Variants in ELAPOR2 observed in about 807,000 individuals in gnomAD.
ELAPOR2 encodes the protein endosome/lysosome-associated apoptosis and autophagy regulator family member 2.
A neutral mutation model predicts 120.7 loss-of-function variants in ELAPOR2; 89 were observed. The ratio of observed to expected loss-of-function variants is 0.74; its 90% CI spans 0.62 to 0.88. The LOEUF is 0.88. Ranked by LOEUF, ELAPOR2 falls within the 40% of genes least tolerant of loss-of-function variation. The pLI is 0.00. For missense variants in ELAPOR2, 1,134 were observed against 1,251.6 expected, an observed-to-expected ratio of 0.91 and a Z score of 1.42; for synonymous variants, 444 against 444.9, an observed-to-expected ratio of 1.00 and a Z score of 0.03.
chr7:86,934,371 T>A (rs1364243776), intron 8 of ELAPOR2, among the ~76,000 whole-genome samples: 2 of 152,034 alleles, frequency 1.3e-5, no homozygotes, highest in Non-Finnish European at 1.5e-5. Flanking sequence ...ATTAGAAGAT[T>A]TAAATCCTTG....
intron 1 of ELAPOR2, among the ~76,000 whole-genome samples, chr7:87,056,927 A>G (rs1269009902): frequency 6.6e-6 from 1 of 152,228 alleles, no homozygotes; most frequent in Non-Finnish European, 1.5e-5. Context: ...AAAATGGCCT[A>G]TAGCTTTTTC....
chr7:86,914,270 G>A (rs1257846844), intron 13 of ELAPOR2, among the ~76,000 whole-genome samples: 1 of 152,098 alleles, frequency 6.6e-6, no homozygotes, highest in Non-Finnish European at 1.5e-5. Flanking sequence ...TTAACTCAAT[G>A]GTGGGTACAT....
intron 1 of ELAPOR2, among the ~76,000 whole-genome samples, chr7:87,023,428 C>G (rs1453278047): frequency 6.6e-6 from 1 of 152,128 alleles, no homozygotes; most frequent in Non-Finnish European, 1.5e-5. Flanking sequence ...GTCTATATCT[C>G]TGTTTTGGTA....
At chr7:86,976,462 T>C (rs1444869030) in intron 1 of ELAPOR2, among the ~76,000 whole-genome samples, 3 of 152,178 alleles carry the variant, frequency 2.0e-5, no homozygotes, top group African/African-American at 7.2e-5. Context: ...CAAAGAAGTA[T>C]AGCAAAGGCA....
chr7:87,050,735 A>C (rs1795075381), intron 1 of ELAPOR2, among the ~76,000 whole-genome samples: 1 of 152,202 alleles, frequency 6.6e-6, no homozygotes. Flanking sequence ...TGTGACATCA[A>C]GATGGAAAGT....
chr7:87,040,062 C>G (rs201756335), intron 1 of ELAPOR2, among the ~76,000 whole-genome samples: 5 of 152,222 alleles, frequency 3.3e-5, no homozygotes, highest in African/African-American at 1.2e-4. Context: ...GCTTTTCCGA[C>G]GGGCTTAAAA....
intron 1 of ELAPOR2, among the ~76,000 whole-genome samples, chr7:87,036,123 T>A (rs1268919228): frequency 1.3e-5 from 2 of 152,238 alleles, no homozygotes; most frequent in Admixed American, 1.3e-4. Flanking sequence ...ATCTGCCTAA[T>A]ATTCCGTCAT....
intron 1 of ELAPOR2, among the ~76,000 whole-genome samples, chr7:86,970,708 G>A (rs1414053550): frequency 6.6e-6 from 1 of 152,100 alleles, no homozygotes; most frequent in East Asian, 1.9e-4. Flanking sequence ...ACAGAACTGT[G>A]CAGCAATATT....
At chr7:86,985,583 C>A (rs147542740) in intron 1 of ELAPOR2, among the ~76,000 whole-genome samples, 3 of 152,134 alleles carry the variant, frequency 2.0e-5, no homozygotes, top group Non-Finnish European at 4.4e-5. Flanking sequence ...GAACCATCGA[C>A]AAAAACCAAA....
chr7:86,881,004 A>G (rs189518354), intron 21 of ELAPOR2, among the ~76,000 whole-genome samples: 8 of 152,316 alleles, frequency 5.3e-5, no homozygotes, highest in Non-Finnish European at 1.2e-4. Context: ...TGAGTTCACT[A>G]ATATGTTTTA....
intron 2 of ELAPOR2, among the ~76,000 whole-genome samples, chr7:86,956,284 T>C (rs1468612230): frequency 6.6e-6 from 1 of 152,220 alleles, no homozygotes; most frequent in East Asian, 1.9e-4. Context: ...CCTGTTTTCA[T>C]CTTTCATTTT....
At chr7:86,974,936 A>G (rs117264826) in intron 1 of ELAPOR2, among the ~76,000 whole-genome samples, 2,064 of 152,322 alleles carry the variant, frequency 0.014, 26 homozygotes, top group Non-Finnish European at 0.022. Context: ...GCAAGGCTTT[A>G]AAGGCCAGGT....
chr7:86,925,751 G>A, intron 9 of ELAPOR2, 95 bp from the exon 10 acceptor site: 1 of 1,135,884 alleles, frequency 8.8e-7, no homozygotes, highest in Admixed American at 2.0e-5. Flanking sequence ...ACAATTAGCA[G>A]GGAGAGAAGT....
chr7:86,941,271 C>G (rs762084823), intron 5 of ELAPOR2: 3 of 515,806 alleles, frequency 5.8e-6, no homozygotes, highest in Non-Finnish European at 1.2e-5. Context: ...AACTATAAAC[C>G]GGAGTTAGAT....
intron 1 of ELAPOR2, among the ~76,000 whole-genome samples, chr7:86,979,072 A>G (rs1792373958): frequency 6.6e-6 from 1 of 152,224 alleles, no homozygotes; most frequent in African/African-American, 2.4e-5. Flanking sequence ...TCATTTTGTT[A>G]TCACTTCAGT....
chr7:86,880,453 G>A lies in ELAPOR2; in HGVS notation c.*18C>T. The A allele has an allele frequency of 6.9e-6, 11 of 1,585,060 alleles. No homozygotes were observed. Among genetic ancestry groups the A allele is most frequent in the Non-Finnish European group, 9.5e-6 (11 of 1,154,244 alleles). ...AGGTTTCTTTGTTCATTAGTCTCAA[G>A]GCTACAGCACTGTCTCTTCATATAT... On this transcript the variant is annotated 3_prime_UTR_variant, in exon 22 of 22. Coordinates refer to ENST00000450689, the MANE Select transcript of ELAPOR2 (RefSeq NM_001142749.3).
chr7:86,892,059 T>C (rs963427250), intron 20 of ELAPOR2, among the ~76,000 whole-genome samples, 170 bp from the exon 21 acceptor site: 1 of 152,064 alleles, frequency 6.6e-6, no homozygotes, highest in Non-Finnish European at 1.5e-5. Context: ...TTATCATGTA[T>C]CTACCATTTA....
chr7:87,023,472 C>T (rs143007170), intron 1 of ELAPOR2, among the ~76,000 whole-genome samples: 1 of 151,674 alleles, frequency 6.6e-6, no homozygotes. Context: ...CTGTAGCCTT[C>T]TAGTATAGCT....
intron 1 of ELAPOR2, among the ~76,000 whole-genome samples, chr7:86,973,400 C>G (rs182462039): frequency 1.8e-4 from 28 of 152,286 alleles, no homozygotes; most frequent in African/African-American, 5.3e-4. Context: ...CCGGAAGGCT[C>G]TTTCTGCCCA....
Sources: gnomAD v4.1 joint callset for allele counts (sites outside exome capture counted in the v4.1 genomes callset) on GRCh38, gnomAD v4.1.1 for gene constraint, MANE v1.5 for transcripts, NCBI Gene and HGNC (gene_info 2026-07-23, HGNC 2026-07-21) for gene names.